Variants in CDH13 observed in about 807,000 individuals in gnomAD.
CDH13 encodes cadherin-13.
CDH13 carries 24 observed loss-of-function variants against 63.8 expected under a neutral mutation model. The ratio of observed to expected loss-of-function variants is 0.38; its 90% CI spans 0.27 to 0.53. The LOEUF (loss-of-function observed/expected upper bound fraction) is 0.53. Ranked by LOEUF, CDH13 falls within the 20% of genes least tolerant of loss-of-function variation. CDH13 has a pLI of 0.85. For missense variants in CDH13, 1,049 were observed against 903.1 expected, an observed-to-expected ratio of 1.16 and a Z score of -2.07; for synonymous variants, 503 against 355.3, an observed-to-expected ratio of 1.42 and a Z score of -4.67.
intron 2 of CDH13, among the ~76,000 whole-genome samples, chr16:82,909,748 C>T (rs766623076): frequency 6.6e-6 from 1 of 152,102 alleles, no homozygotes; most frequent in Admixed American, 6.5e-5. Context: ...TCCCACAACA[C>T]ATGAGAATTA....
At chr16:83,437,527 A>G (rs2072343560) in intron 6 of CDH13, among the ~76,000 whole-genome samples, 1 of 152,008 alleles carries the variant, frequency 6.6e-6, no homozygotes, top group Non-Finnish European at 1.5e-5. Context: ...AATACAAAAA[A>G]TTAGCTGGGC....
intron 4 of CDH13, among the ~76,000 whole-genome samples, chr16:83,152,538 A>G (rs535774909): frequency 1.3e-5 from 2 of 152,102 alleles, no homozygotes; most frequent in African/African-American, 4.8e-5. Context: ...AAATATTTCT[A>G]TATTTATTTG....
chr16:83,536,998 G>C (rs778800572), intron 7 of CDH13, among the ~76,000 whole-genome samples: 7 of 152,214 alleles, frequency 4.6e-5, no homozygotes, highest in African/African-American at 1.7e-4. Context: ...CTCATTTGCT[G>C]AAAAAGAGTG....
chr16:82,796,683 C>G (rs1304740750), intron 1 of CDH13, among the ~76,000 whole-genome samples: 1 of 152,262 alleles, frequency 6.6e-6, no homozygotes, highest in Non-Finnish European at 1.5e-5. Flanking sequence ...AGAATGGACA[C>G]TGGCCCTAGT....
At chr16:83,705,572 A>T (rs1472885211) in intron 10 of CDH13, among the ~76,000 whole-genome samples, 1 of 152,190 alleles carries the variant, frequency 6.6e-6, no homozygotes, top group Non-Finnish European at 1.5e-5. Context: ...CAGTGAGCCG[A>T]GATCACGCCA....
chr16:83,333,766 C>G (rs2090527144), intron 5 of CDH13, among the ~76,000 whole-genome samples: 1 of 152,102 alleles, frequency 6.6e-6, no homozygotes, highest in Admixed American at 6.6e-5. Flanking sequence ...ATCACATGAC[C>G]CATTTTGCCC....
intron 11 of CDH13, among the ~76,000 whole-genome samples, chr16:83,764,196 T>A (rs1343549521): frequency 6.6e-6 from 1 of 152,144 alleles, no homozygotes; most frequent in Admixed American, 6.6e-5. Flanking sequence ...GAAAAGGCAC[T>A]TATGACCACC....
intron 2 of CDH13, among the ~76,000 whole-genome samples, chr16:82,894,589 C>G (rs997338584): frequency 8.5e-5 from 13 of 152,260 alleles, no homozygotes; most frequent in Non-Finnish European, 1.8e-4. Flanking sequence ...TTGCAGTGAG[C>G]CAAGATTGTG....
At chr16:83,151,288 C>T (rs916519078) in intron 4 of CDH13, among the ~76,000 whole-genome samples, 1 of 152,180 alleles carries the variant, frequency 6.6e-6, no homozygotes, top group African/African-American at 2.4e-5. Context: ...AATTCCCTGG[C>T]ATGCTTTAAT....
intron 4 of CDH13, among the ~76,000 whole-genome samples, chr16:83,163,272 A>C (rs2037523876): frequency 6.6e-6 from 1 of 152,008 alleles, no homozygotes; most frequent in African/African-American, 2.4e-5. Context: ...TAGTGCAAAA[A>C]ATGGACTAAT....
intron 1 of CDH13, among the ~76,000 whole-genome samples, chr16:82,771,058 TTG>T (rs1288227621): frequency 6.6e-6 from 1 of 152,208 alleles, no homozygotes; most frequent in East Asian, 1.9e-4. Context: ...AAAAATTAAG[TTG>T]TGACTTTAGC....
At chr16:83,046,624 C>T (rs1917808187) in intron 3 of CDH13, among the ~76,000 whole-genome samples, 1 of 152,120 alleles carries the variant, frequency 6.6e-6, no homozygotes, top group Non-Finnish European at 1.5e-5. Flanking sequence ...ACTGGGAAGG[C>T]CTTTAACAGA....
At chr16:82,947,045 TGTG>T (rs1904806935) in intron 2 of CDH13, among the ~76,000 whole-genome samples, 1 of 150,124 alleles carries the variant, frequency 6.7e-6, no homozygotes, top group Non-Finnish European at 1.5e-5. Flanking sequence ...TGTGTGTGTG[TGTG>T]ATGTTGTAAG....
At chr16:82,772,525 G>T (rs1224018254) in intron 1 of CDH13, among the ~76,000 whole-genome samples, 1 of 152,196 alleles carries the variant, frequency 6.6e-6, no homozygotes, top group East Asian at 1.9e-4. Context: ...TCAACCTGAG[G>T]TGGCCTGGGT....
chr16:83,461,730 A>G (rs2073186621), intron 6 of CDH13, among the ~76,000 whole-genome samples: 1 of 152,224 alleles, frequency 6.6e-6, no homozygotes, highest in African/African-American at 2.4e-5. Flanking sequence ...GACAAATCAA[A>G]GCATGGTCAG....
chr16:83,646,673 C>G (rs1337036246), intron 8 of CDH13, among the ~76,000 whole-genome samples: 3 of 116,218 alleles, frequency 2.6e-5, no homozygotes, highest in Non-Finnish European at 5.0e-5. Flanking sequence ...GCCTGGGTGA[C>G]AAGAGCAAGA....
intron 1 of CDH13, among the ~76,000 whole-genome samples, chr16:82,821,784 C>T (rs1175338059): frequency 6.6e-6 from 1 of 152,114 alleles, no homozygotes; most frequent in African/African-American, 2.4e-5. Flanking sequence ...CTCTGAACCT[C>T]AAATGAAGTG....
chr16:83,246,035 C>T (rs930415483), intron 5 of CDH13, among the ~76,000 whole-genome samples: 1 of 152,180 alleles, frequency 6.6e-6, no homozygotes, highest in Non-Finnish European at 1.5e-5. Context: ...CTGCGCCTGG[C>T]CCAAATTCCT....
chr16:83,064,622 A>C (rs7190152), intron 3 of CDH13, among the ~76,000 whole-genome samples: 2,520 of 152,300 alleles, frequency 0.017, 66 homozygotes, highest in African/African-American at 0.057. Context: ...TTCCATACTA[A>C]GTTTTAGAAA....
Sources: gnomAD v4.1 joint callset for allele counts (sites outside exome capture counted in the v4.1 genomes callset) on GRCh38, gnomAD v4.1.1 for gene constraint, MANE v1.5 for transcripts, NCBI Gene and HGNC (gene_info 2026-07-23, HGNC 2026-07-21) for gene names.